The following JAZF1 variants were observed in gnomAD, a reference collection of about 807,000 sequenced individuals.
JAZF1 encodes the protein juxtaposed with another zinc finger protein 1.
JAZF1 carries 8 observed loss-of-function variants against 26.4 expected under a neutral mutation model. The observed-to-expected ratio is 0.30, with a 90% CI of 0.18 to 0.55. The LOEUF (loss-of-function observed/expected upper bound fraction) is 0.55, where lower values mean the gene tolerates loss of function less well. JAZF1 is among the 20% of genes least tolerant of loss of function. JAZF1 has a pLI of 0.94. For missense variants in JAZF1, 199 were observed against 322.0 expected (o/e 0.62, Z 2.92); for synonymous variants, 126 against 122.3 (o/e 1.03, Z -0.20).
intron 2 of JAZF1, among the ~76,000 whole-genome samples, chr7:27,921,868 T>C (rs1015184986): frequency 1.6e-4 from 24 of 152,038 alleles, no homozygotes; most frequent in Non-Finnish European, 3.2e-4. Flanking sequence ...TCTACAAAAA[T>C]AGAAAAGTAT....
Position 28,180,719 on chromosome 7 carries a change from C to G in JAZF1, c.-142G>C. The G allele has an allele frequency of 1.8e-6, 1 of 541,590 alleles. No homozygotes were observed. The highest frequency in any genetic ancestry group is 3.3e-6 in the Non-Finnish European group (1 of 300,092). The allele number at this position is 541,590 out of a possible 1,614,324, so 33.5% of individuals were successfully genotyped here. ...GGTGAGGGGAGCGGCGAGGACGGGA[C>G]GGAGGGAGAGGGGGCGAGAGAGATG... On this transcript the variant is annotated 5_prime_UTR_variant, in exon 1 of 5. Coordinates refer to ENST00000283928, the MANE Select transcript of JAZF1 (RefSeq NM_175061.4).
At chr7:27,919,974 A>T (rs1784502781) in intron 2 of JAZF1, among the ~76,000 whole-genome samples, 2 of 152,136 alleles carry the variant, frequency 1.3e-5, no homozygotes, top group African/African-American at 4.8e-5. Context: ...CTTCATTGCT[A>T]CCCTTAGAAT....
At chr7:28,173,975 T>C (rs987512458) in intron 1 of JAZF1, among the ~76,000 whole-genome samples, 4 of 151,146 alleles carry the variant, frequency 2.6e-5, no homozygotes, top group Non-Finnish European at 5.9e-5. Flanking sequence ...TTTACAGCAA[T>C]TAAATATATT....
intron 1 of JAZF1, among the ~76,000 whole-genome samples, chr7:28,066,399 C>G (rs974485412): frequency 6.6e-6 from 1 of 151,710 alleles, no homozygotes; most frequent in Non-Finnish European, 1.5e-5. Context: ...GTCAGGTGTT[C>G]GAGACCAGCC....
intron 1 of JAZF1, among the ~76,000 whole-genome samples, chr7:28,062,449 C>T (rs1317992567): frequency 1.3e-5 from 2 of 152,162 alleles, no homozygotes; most frequent in African/African-American, 4.8e-5. Context: ...GCAGAGCATG[C>T]AGTCCCTTAG....
intron 2 of JAZF1, among the ~76,000 whole-genome samples, chr7:27,922,484 G>A (rs150160645): frequency 0.2 from 29,858 of 152,004 alleles, 3,350 homozygotes; most frequent in East Asian, 0.47. Flanking sequence ...CCTGAGCTCA[G>A]GCAATCCGCC....
At chr7:28,168,227 AAAAAATTAGCCG>A (rs1783398096) in intron 1 of JAZF1, among the ~76,000 whole-genome samples, 1 of 152,004 alleles carries the variant, frequency 6.6e-6, no homozygotes, top group African/African-American at 2.4e-5. Context: ...CTAAAAATAC[AAAAAATTAGCCG>A]GGCGTGGCAG....
intron 2 of JAZF1, among the ~76,000 whole-genome samples, chr7:27,950,376 T>C (rs556887056): frequency 5.3e-5 from 8 of 152,128 alleles, no homozygotes; most frequent in Non-Finnish European, 7.4e-5. Flanking sequence ...CCAGTGCCCA[T>C]AGGCACGTTT....
At chr7:27,935,522 T>C (rs1467786240) in intron 2 of JAZF1, among the ~76,000 whole-genome samples, 1 of 152,172 alleles carries the variant, frequency 6.6e-6, no homozygotes, top group African/African-American at 2.4e-5. Context: ...AGTAGATTAG[T>C]GGTTTCCAGG....
chr7:27,895,201 G>A lies in JAZF1; in HGVS notation c.385+19C>T, dbSNP rs747678130. 2 of 1,540,644 alleles carry A rather than the reference G, an allele frequency of 1.3e-6. No homozygotes were observed. Among genetic ancestry groups the A allele is most frequent in the Non-Finnish European group, 1.8e-6 (2 of 1,138,020 alleles). On this transcript the variant is annotated intron_variant, in intron 3 of 4. Transcript: ENST00000283928. The stretch of plus-strand genomic sequence containing the variant: ...CTCCCCTCTCCTCCTTCTCAAGGCG[G>A]TAGGGCCAGGCCACTCACCTGTCGG...
In JAZF1 at chr7:28,076,329, G is replaced by C. The variant is rs144365471; in HGVS notation, c.116-84348C>G. 2.8e-4 allele frequency among the ~76,000 whole-genome samples: 42 copies of C among 152,324 alleles called. 1 individual carries two copies. The highest frequency in any genetic ancestry group is 6.8e-3 in the Middle Eastern group (2 of 294). ...TCAGAAACAAATAAATGAAAGGTTT[G>C]AAGGGAGCATGAACAGAAACTGTGA... On this transcript the variant is annotated intron_variant, in intron 1 of 4. Transcript: ENST00000283928.
Position 28,180,511 on chromosome 7 carries a change from A to G in JAZF1, c.67T>C (p.Phe23Leu), listed in dbSNP as rs1265641104. The part of the protein sequence containing the change: ...TCRFGGCGLH[F>L]PTLADLIEHI... ...TCGATGAGGTCGGCCAGGGTGGGGA[A>G]GTGGAGTCCGCAGCCCCCGAATCGG... Residue 23 changes from phenylalanine to leucine, a missense_variant, in exon 1 of 5, where the codon TTC (phenylalanine) becomes CTC (leucine). By Grantham distance (22) the Phe-to-Leu change is conservative (BLOSUM62 0). Transcript: ENST00000283928. The G allele has an allele frequency of 1.9e-6, 3 of 1,607,808 alleles. No individual in the cohort carries two copies. The African/African-American group carries it at 4.1e-5, about 22-fold the overall frequency.
chr7:28,102,348 T>A (rs1784485643), intron 1 of JAZF1, among the ~76,000 whole-genome samples: 2 of 152,228 alleles, frequency 1.3e-5, no homozygotes, highest in South Asian at 4.1e-4. Context: ...ATATTGTGAA[T>A]AAAATGCCTG....
intron 1 of JAZF1, among the ~76,000 whole-genome samples, chr7:27,996,564 T>C (rs772849161): frequency 3.3e-5 from 5 of 152,180 alleles, no homozygotes; most frequent in Non-Finnish European, 5.9e-5. Context: ...CAACAACTAA[T>C]GGGTGCTGTC....
At chr7:28,162,763 A>T (rs544675921) in intron 1 of JAZF1, among the ~76,000 whole-genome samples, 5 of 152,388 alleles carry the variant, frequency 3.3e-5, no homozygotes, top group African/African-American at 1.2e-4. Flanking sequence ...GTCTGATGAA[A>T]GGTAAAGCAT....
intron 1 of JAZF1, among the ~76,000 whole-genome samples, chr7:28,159,621 G>C (rs970806135): frequency 6.6e-6 from 1 of 152,126 alleles, no homozygotes; most frequent in African/African-American, 2.4e-5. Flanking sequence ...CACTCTTGCC[G>C]CTGTGGAGGA....
intron 3 of JAZF1, among the ~76,000 whole-genome samples, chr7:27,871,237 G>C (rs1179058071): frequency 6.6e-6 from 1 of 152,314 alleles, no homozygotes; most frequent in East Asian, 1.9e-4. Flanking sequence ...AATCAATCTT[G>C]ATCTAGAGAC....
intron 2 of JAZF1, among the ~76,000 whole-genome samples, chr7:27,960,304 G>GA (rs1247731294): frequency 2.0e-5 from 3 of 152,158 alleles, no homozygotes; most frequent in Admixed American, 6.5e-5. Context: ...CTCCTTTGGG[G>GA]AAAAAACCTC....
intron 1 of JAZF1, among the ~76,000 whole-genome samples, chr7:28,049,535 C>T (rs1783576054): frequency 6.6e-6 from 1 of 152,086 alleles, no homozygotes; most frequent in Non-Finnish European, 1.5e-5. Flanking sequence ...TGACACTAAT[C>T]AGAGTTAGTG....
Sources: gnomAD v4.1 joint callset for allele counts (sites outside exome capture counted in the v4.1 genomes callset) on GRCh38, gnomAD v4.1.1 for gene constraint, MANE v1.5 for transcripts, NCBI Gene and HGNC (gene_info 2026-07-23, HGNC 2026-07-21) for gene names.